Variants in FAM185A observed in about 807,000 individuals in gnomAD.
FAM185A encodes the protein protein FAM185A.
Under a neutral mutation model 45.7 loss-of-function variants are expected in FAM185A, and 21 were observed. The ratio of observed to expected loss-of-function variants is 0.46; its 90% CI spans 0.33 to 0.66. FAM185A has a LOEUF of 0.66. FAM185A is among the 30% of genes least tolerant of loss of function. The pLI is 0.03. For missense variants in FAM185A, 305 were observed against 485.4 expected (o/e 0.63, Z 3.49); for synonymous variants, 117 against 194.0 (o/e 0.60, Z 3.30).
intron 6 of FAM185A, among the ~76,000 whole-genome samples, chr7:102,777,940 TTGTC>T (rs1213527230): frequency 6.6e-6 from 1 of 152,214 alleles, no homozygotes; most frequent in African/African-American, 2.4e-5. Flanking sequence ...AAATATGAAT[TTGTC>T]TGTTCTTCTG....
intron 2 of FAM185A, among the ~76,000 whole-genome samples, chr7:102,754,332 C>T (rs1793557682): frequency 6.6e-6 from 1 of 152,162 alleles, no homozygotes. Context: ...TCCCGAGTAG[C>T]TGGGATTACA....
At chr7:102,828,848 G>A in the FAM185A span, among the ~76,000 whole-genome samples, 1 of 152,180 alleles carries the variant, frequency 6.6e-6, no homozygotes, top group Non-Finnish European at 1.5e-5. Context: ...AGAGCAGCCA[G>A]GCTTTGTGAC....
chr7:102,798,258 A>G (rs556208168), intron 7 of FAM185A, among the ~76,000 whole-genome samples: 6 of 152,388 alleles, frequency 3.9e-5, no homozygotes, highest in East Asian at 1.9e-4. Flanking sequence ...ATTCCAATAT[A>G]TGTTGAAAAA....
the FAM185A span, among the ~76,000 whole-genome samples, chr7:102,834,395 T>TTA: frequency 2.5e-4 from 36 of 146,504 alleles, no homozygotes; most frequent in East Asian, 6.7e-3. Flanking sequence ...TATATATATA[T>TTA]TATATGCGAT....
the FAM185A span, chr7:102,827,188 T>C: frequency 2.2e-6 from 1 of 453,002 alleles, no homozygotes; most frequent in African/African-American, 2.0e-5. Flanking sequence ...TTACTGCCCT[T>C]GAAGCAGCTC....
the FAM185A span, among the ~76,000 whole-genome samples, chr7:102,833,578 C>T: frequency 6.6e-6 from 1 of 151,292 alleles, no homozygotes; most frequent in Non-Finnish European, 1.5e-5. Flanking sequence ...AGGCGTGCAC[C>T]ACCACGCCCG....
At chr7:102,840,682 A>G in the FAM185A span, among the ~76,000 whole-genome samples, 1 of 152,224 alleles carries the variant, frequency 6.6e-6, no homozygotes, top group East Asian at 1.9e-4. Flanking sequence ...ATTTGCGGAC[A>G]TAATAGAATA....
the FAM185A span, among the ~76,000 whole-genome samples, chr7:102,819,287 A>T: frequency 1.3e-5 from 2 of 152,252 alleles, no homozygotes; most frequent in East Asian, 3.9e-4. Flanking sequence ...GTTGTTACTT[A>T]TTCCTCCTTG....
Position 102,761,427 on chromosome 7 carries a change from C to T in FAM185A, c.793+16C>T. On this transcript the variant is annotated intron_variant, in intron 4 of 7. Transcript: ENST00000413034. ...AGTGTTCATGGTAAGCTGACAAAGG[C>T]ATAATACATCTGAGACTTTCCACAT... The T allele has an allele frequency of 6.7e-7, 1 of 1,486,712 alleles. No individual in the cohort carries two copies. The allele number at this position is 1,486,712 out of a possible 1,614,324, so 92.1% of individuals were successfully genotyped here. A position where few individuals can be genotyped will look rare whatever the true frequency, so the allele number is the denominator to read the frequency against.
the FAM185A span, among the ~76,000 whole-genome samples, chr7:102,836,349 C>T: frequency 2.6e-5 from 4 of 152,172 alleles, no homozygotes; most frequent in African/African-American, 4.8e-5. Flanking sequence ...TCTTAGAATT[C>T]GTGTTTTCCT....
At chr7:102,825,921 G>A in the FAM185A span, among the ~76,000 whole-genome samples, 2 of 152,164 alleles carry the variant, frequency 1.3e-5, no homozygotes, top group East Asian at 3.8e-4. Context: ...TTTGTAGAAT[G>A]GTTACCCGAG....
intron 4 of FAM185A, among the ~76,000 whole-genome samples, chr7:102,770,881 C>A (rs1584301947): frequency 1.3e-5 from 2 of 152,292 alleles, no homozygotes; most frequent in African/African-American, 4.8e-5. Flanking sequence ...GAAAATAAAT[C>A]ATTCTTCCAA....
the FAM185A span, chr7:102,822,351 G>C: frequency 2.9e-5 from 23 of 806,684 alleles, 1 homozygote; most frequent in African/African-American, 3.4e-4. Flanking sequence ...TAGAGGCTGG[G>C]AAGTCCAAGA....
At chr7:102,784,457 C>T (rs142644447) in intron 6 of FAM185A, among the ~76,000 whole-genome samples, 2,309 of 152,254 alleles carry the variant, frequency 0.015, 53 homozygotes, top group African/African-American at 0.052. Flanking sequence ...AAACTGAATC[C>T]AGCAGCACAT....
rs1415141467 is a variant in FAM185A at position 102,749,622 on chromosome 7, C to T, written c.415C>T (p.Gln139Ter). ...CATTGTGTCTGATACTATCCACCCC[C>T]AGGCGTCCGTGGAGGTGAACGCGCC... ...MAIVSDTIHPQASVEVNAPLK... is the reference protein window; with the variant it reads ...MAIVSDTIHP Residue 139 changes from glutamine (Q) to a stop codon, truncating the protein, a stop_gained, in exon 1 of 8, where the codon CAG (glutamine) becomes TAG (stop). Transcript: ENST00000413034. LOFTEE classifies it high-confidence loss of function. The T allele has an allele frequency of 6.7e-7, 1 of 1,503,186 alleles. No individual in the cohort carries two copies. The highest frequency in any genetic ancestry group is 1.4e-5 in the African/African-American group (1 of 71,812). The allele number at this position is 1,503,186 out of a possible 1,614,324, so 93.1% of individuals were successfully genotyped here. A position where few individuals can be genotyped will look rare whatever the true frequency, so the allele number is the denominator to read the frequency against.
intron 7 of FAM185A, among the ~76,000 whole-genome samples, chr7:102,804,445 T>C (rs1298639360): frequency 6.6e-6 from 1 of 152,238 alleles, no homozygotes; most frequent in East Asian, 1.9e-4. Flanking sequence ...GGACACCCTT[T>C]TCAACAAATA....
intron 6 of FAM185A, among the ~76,000 whole-genome samples, chr7:102,783,567 A>G (rs1001767447): frequency 7.2e-5 from 11 of 152,190 alleles, no homozygotes; most frequent in African/African-American, 2.7e-4. Context: ...ACATAACGAA[A>G]TGAAGGCAGA....
intron 7 of FAM185A, among the ~76,000 whole-genome samples, chr7:102,799,038 G>A (rs1184130745): frequency 2.6e-5 from 4 of 152,174 alleles, no homozygotes; most frequent in South Asian, 2.1e-4. Context: ...GTGAGCCACC[G>A]CATCTGGCCC....
chr7:102,760,871 A>T (rs1794071487), intron 3 of FAM185A, among the ~76,000 whole-genome samples: 1 of 152,244 alleles, frequency 6.6e-6, no homozygotes. Flanking sequence ...ATAAATTATT[A>T]GGATTAGTGA....
Sources: allele counts gnomAD v4.1 joint callset (sites outside exome capture counted in the v4.1 genomes callset), GRCh38; gene constraint gnomAD v4.1.1; transcripts MANE v1.5; gene names NCBI Gene and HGNC (gene_info 2026-07-23, HGNC 2026-07-21).